Variants in PELI1 observed in about 807,000 individuals in gnomAD.
PELI1 encodes pellino E3 ubiquitin protein ligase 1, also known as E3 ubiquitin-protein ligase pellino homolog 1.
PELI1 carries 15 observed loss-of-function variants against 41.3 expected under a neutral mutation model. That is an observed-to-expected ratio of 0.36 (90% CI 0.24 to 0.56). The LOEUF is 0.56. Ranked by LOEUF, PELI1 falls within the 20% of genes least tolerant of loss-of-function variation. The pLI, the probability that PELI1 is intolerant of heterozygous loss-of-function variation, is 0.82. For missense variants in PELI1, 403 were observed against 525.5 expected (o/e 0.77, Z 2.28); for synonymous variants, 178 against 180.1 (o/e 0.99, Z 0.09).
At chr2:64,104,907 G>A in intron 2 of PELI1, 77 bp from the exon 3 acceptor site, 2 of 1,271,134 alleles carry the variant, frequency 1.6e-6, no homozygotes, top group Non-Finnish European at 2.2e-6. Flanking sequence ...ACTTTGCCTT[G>A]CAGAATCAAT....
chr2:64,108,250 T>C lies in PELI1; in HGVS notation c.61A>G (p.Ile21Val), dbSNP rs1680686738. The C allele has an allele frequency of 3.8e-6, 6 of 1,565,720 alleles. No homozygotes were observed. The highest frequency in any genetic ancestry group is 5.3e-6 in the Non-Finnish European group (6 of 1,136,102). ...ATGGAGAAACCTTACCCTAAGACAA[T>C]GAGTTCACCATATTTTACTGGTGCT... is the stretch of plus-strand genomic sequence containing the variant. ...SKAPVKYGELIVLGYNGSLPN... is the reference protein window; with the variant it reads ...SKAPVKYGELVVLGYNGSLPN... Residue 21 changes from isoleucine to valine, a missense_variant, in exon 2 of 7, where the codon ATT becomes GTT. Ile to Val is a conservative substitution (Grantham distance 29). Transcript: ENST00000358912.
chr2:64,142,082 C>T (rs1681930864), intron 1 of PELI1, among the ~76,000 whole-genome samples: 1 of 152,200 alleles, frequency 6.6e-6, no homozygotes, highest in Admixed American at 6.5e-5. Context: ...ATAAATACTA[C>T]TACTATTACA....
intron 2 of PELI1, among the ~76,000 whole-genome samples, chr2:64,106,897 C>T (rs1680639886): frequency 6.6e-6 from 1 of 152,130 alleles, no homozygotes. Flanking sequence ...AGGAGGGAAA[C>T]AGTAGGGGGA....
intron 1 of PELI1, among the ~76,000 whole-genome samples, chr2:64,112,086 CA>C (rs1680824088): frequency 6.6e-6 from 1 of 151,638 alleles, no homozygotes; most frequent in East Asian, 1.9e-4. Flanking sequence ...TTTATAGTAG[CA>C]AAAAATTTCC....
At position 64,123,364 on chromosome 2, in the gene PELI1, C is replaced by G. The variant is rs6761204; in HGVS notation, c.-69-14985G>C. Among the ~76,000 whole-genome samples the G allele has an allele frequency of 3.9e-3, 599 of 152,158 alleles. 5 individuals carry two copies. Among genetic ancestry groups the G allele is most frequent in the African/African-American group, 0.014 (577 of 41,516 alleles). ...AAACGAACAAAAGAAAGCTAGGTAT[C>G]AAAAGTACTGCCATAGGTAACCCAC... On this transcript the variant is annotated intron_variant, in intron 1 of 6. Transcript: ENST00000358912.
chr2:64,137,103 A>G (rs1681741997), intron 1 of PELI1, among the ~76,000 whole-genome samples: 1 of 152,138 alleles, frequency 6.6e-6, no homozygotes, highest in East Asian at 1.9e-4. Flanking sequence ...CTACATGTAT[A>G]TTGTCCTGAG....
At position 64,094,523 on chromosome 2, in the gene PELI1, G is replaced by C; in HGVS notation, c.*179C>G. Reference sequence around the variant, plus strand: ...GACTGATACTTTCAGAAATTCCTTTGCTTGAGTTTCCCAGATTTTTGCTCA... The same window carrying C: ...GACTGATACTTTCAGAAATTCCTTTCCTTGAGTTTCCCAGATTTTTGCTCA... On this transcript the variant is annotated 3_prime_UTR_variant, in exon 7 of 7. Transcript: ENST00000358912. The C allele has an allele frequency of 4.0e-6, 2 of 502,656 alleles. No homozygotes were observed. Among genetic ancestry groups the C allele is most frequent in the Non-Finnish European group, 7.0e-6 (2 of 285,978 alleles). 31.1% of individuals were successfully genotyped at this position (502,656 alleles called of 1,614,324 possible). A position where few individuals can be genotyped will look rare whatever the true frequency, so the allele number is the denominator to read the frequency against.
chr2:64,125,277 C>A (rs1681347794), intron 1 of PELI1, among the ~76,000 whole-genome samples: 2 of 152,176 alleles, frequency 1.3e-5, no homozygotes, highest in Non-Finnish European at 2.9e-5. Context: ...TGGCGACCAG[C>A]CCCATCCTGA....
At chr2:64,098,321 AG>A (rs1296461312) in intron 4 of PELI1, among the ~76,000 whole-genome samples, 1 of 152,160 alleles carries the variant, frequency 6.6e-6, no homozygotes, top group Admixed American at 6.5e-5. Flanking sequence ...CAAAATTTGT[AG>A]TTTATTATTT....
intron 1 of PELI1, among the ~76,000 whole-genome samples, chr2:64,127,580 T>G (rs1391126509): frequency 6.6e-6 from 1 of 152,214 alleles, no homozygotes; most frequent in Non-Finnish European, 1.5e-5. Context: ...TGGCTTGAAT[T>G]TGAAGTGGAT....
rs1491012148 is a variant in PELI1 at position 64,105,454 on chromosome 2, CAT to C, written c.72-626_72-625del. On this transcript the variant is annotated intron_variant, in intron 2 of 6. Coordinates refer to ENST00000358912, the MANE Select transcript of PELI1 (RefSeq NM_020651.4). ...ACATGTACACATACACACACACACA[CAT>C]ATACATCCTAAAGGTAAGCAAGTAC... Among the ~76,000 whole-genome samples the C allele has an allele frequency of 2.6e-5, 4 of 152,100 alleles. No individual in the cohort carries two copies. In the East Asian group the frequency reaches 7.7e-4, roughly 29 times the overall value.
chr2:64,126,353 G>A (rs930555389), intron 1 of PELI1, among the ~76,000 whole-genome samples: 12 of 152,118 alleles, frequency 7.9e-5, no homozygotes, highest in African/African-American at 2.9e-4. Flanking sequence ...TAGTAGAGAC[G>A]GGGTTTCATC....
Position 64,094,540 on chromosome 2 carries a change from T to A in PELI1, c.*162A>T. 1 of 511,378 alleles carries A rather than the reference T, an allele frequency of 2.0e-6. No individual in the cohort carries two copies. The allele number at this position is 511,378 out of a possible 1,614,324, so 31.7% of individuals were successfully genotyped here. A position where few individuals can be genotyped will look rare whatever the true frequency, so the allele number is the denominator to read the frequency against. On this transcript the variant is annotated 3_prime_UTR_variant, in exon 7 of 7. Transcript: ENST00000358912. The stretch of plus-strand genomic sequence containing the variant: ...ATTCCTTTGCTTGAGTTTCCCAGAT[T>A]TTTGCTCAGAAATTGCTACTATTTA...
chr2:64,116,531 T>C (rs918570671), intron 1 of PELI1, among the ~76,000 whole-genome samples: 1 of 152,228 alleles, frequency 6.6e-6, no homozygotes, highest in Non-Finnish European at 1.5e-5. Context: ...CTTTTCATAA[T>C]GGCTAACACT....
At chr2:64,143,449 C>G (rs1377250491) in intron 1 of PELI1, 1 of 152,106 alleles carries the variant, frequency 6.6e-6, no homozygotes, top group Non-Finnish European at 1.5e-5. Context: ...GGTAGAAGAT[C>G]AAGCGTATCC....
chr2:64,112,656 C>A (rs907856683), intron 1 of PELI1, among the ~76,000 whole-genome samples: 2 of 152,194 alleles, frequency 1.3e-5, no homozygotes, highest in African/African-American at 4.8e-5. Context: ...TTGGCTTCTA[C>A]TTCTGTATTT....
intron 1 of PELI1, among the ~76,000 whole-genome samples, chr2:64,117,910 A>G (rs577262891): frequency 6.6e-6 from 1 of 152,146 alleles, no homozygotes; most frequent in East Asian, 1.9e-4. Flanking sequence ...CCCAGGTTCA[A>G]GCGATTCTCC....
At position 64,116,337 on chromosome 2, in the gene PELI1, T is replaced by C. The variant is rs187597352; in HGVS notation, c.-69-7958A>G. Among the ~76,000 whole-genome samples, 140 of 152,322 alleles carry C rather than the reference T, an allele frequency of 9.2e-4. 1 individual carries two copies. Among genetic ancestry groups the C allele is most frequent in the Non-Finnish European group, 4.4e-4 (30 of 68,022 alleles). On this transcript the variant is annotated intron_variant, in intron 1 of 6. Transcript: ENST00000358912. ...TACCAAAGTTCCTAAAATGACAAAA[T>C]GATCCTCACAAAGCAAGACTAGAAA...
At chr2:64,097,473 T>G (rs1031982480) in intron 4 of PELI1, among the ~76,000 whole-genome samples, 1 of 152,200 alleles carries the variant, frequency 6.6e-6, no homozygotes, top group Non-Finnish European at 1.5e-5. Context: ...AGATAAGAGT[T>G]CTGGATGAGT....
Sources: gnomAD v4.1 joint callset for allele counts (sites outside exome capture counted in the v4.1 genomes callset) on GRCh38, gnomAD v4.1.1 for gene constraint, MANE v1.5 for transcripts, NCBI Gene and HGNC (gene_info 2026-07-23, HGNC 2026-07-21) for gene names.